The following TTLL5 variants were observed in gnomAD, a reference collection of about 807,000 sequenced individuals.
The protein encoded by TTLL5 is tubulin polyglutamylase TTLL5.
TTLL5 carries 132 observed loss-of-function variants against 168.4 expected under a neutral mutation model. The ratio of observed to expected loss-of-function variants is 0.78; its 90% CI spans 0.68 to 0.91. TTLL5 has a LOEUF of 0.91. TTLL5 is among the 40% of genes least tolerant of loss of function. TTLL5 has a pLI of 0.00. For synonymous variants in TTLL5, 546 were observed against 558.6 expected (o/e 0.98, Z 0.32); for missense variants, 1,545 against 1,581.5 (o/e 0.98, Z 0.39).
intron 31 of TTLL5, among the ~76,000 whole-genome samples, chr14:75,953,151 A>C (rs1369119927): frequency 6.6e-6 from 1 of 152,230 alleles, no homozygotes; most frequent in Non-Finnish European, 1.5e-5. Flanking sequence ...AAAGATGCTC[A>C]ACCTCATTTC....
In TTLL5 at chr14:75,692,843, G is replaced by A. The variant is rs143193013; in HGVS notation, c.502+2521G>A. On this transcript the variant is annotated intron_variant, in intron 6 of 31. Transcript: ENST00000298832. ...ACATTTTGGACAGGGTATGGATTTG[G>A]ATGTCGATGGGGCATCCAGGTAGTG... 7.3e-4 allele frequency among the ~76,000 whole-genome samples: 111 copies of A among 152,270 alleles called. 1 individual carries two copies. In the East Asian group the frequency reaches 0.014, roughly 20 times the overall value.
intron 15 of TTLL5, among the ~76,000 whole-genome samples, chr14:75,740,815 A>G (rs1362195245): frequency 6.6e-6 from 1 of 152,220 alleles, no homozygotes; most frequent in Non-Finnish European, 1.5e-5. Flanking sequence ...TGTATCACAT[A>G]TAAATTGAGC....
chr14:75,774,721 C>T (rs1891614886), intron 21 of TTLL5, among the ~76,000 whole-genome samples: 1 of 151,878 alleles, frequency 6.6e-6, no homozygotes, highest in South Asian at 2.1e-4. Flanking sequence ...TGGAATCTTG[C>T]TTTGTCGCCT....
rs376141983 is a variant in TTLL5 at position 75,820,099 on chromosome 14, G to A, written c.3264G>A (p.Pro1088=). Reference sequence around the variant, plus strand: ...GACCCATCATCAGTCCTAGTGGCCCGACATGGTCTACACAGTCAGACCCCC... The same window carrying A: ...GACCCATCATCAGTCCTAGTGGCCCAACATGGTCTACACAGTCAGACCCCC... The part of the protein sequence containing the change: ...TLRPIISPSG[P]TWSTQSDPQA... Residue 1088 remains proline, a synonymous_variant, in exon 28 of 32, where the codon CCG becomes CCA. Transcript: ENST00000298832. The A allele has an allele frequency of 5.1e-5, 82 of 1,608,526 alleles. 1 individual carries two copies. Among genetic ancestry groups the A allele is most frequent in the East Asian group, 3.2e-4 (14 of 44,160 alleles).
At position 75,760,723 on chromosome 14, in the gene TTLL5, A is replaced by G. The variant is rs549076509; in HGVS notation, c.1551-3892A>G. On this transcript the variant is annotated intron_variant, in intron 18 of 31. Transcript: ENST00000298832. The stretch of plus-strand genomic sequence containing the variant: ...TGAGGATGGAACAACTGAATATCGT[A>G]TTTTTAAAAATGAACCCCAACCGCT... Among the ~76,000 whole-genome samples, 9 of 152,174 alleles carry G rather than the reference A, an allele frequency of 5.9e-5. No individual in the cohort carries two copies. The East Asian group carries it at 1.7e-3, about 29-fold the overall frequency.
At chr14:75,690,351 C>G (rs767812123) in intron 6 of TTLL5, 29 bp downstream of exon 6, 32 of 1,568,148 alleles carry the variant, frequency 2.0e-5, no homozygotes, top group Non-Finnish European at 2.7e-5. Context: ...ATGCCCCAGT[C>G]CCCAGCAACT....
chr14:75,678,116 GT>G (rs1369390153), intron 3 of TTLL5, among the ~76,000 whole-genome samples: 6 of 152,122 alleles, frequency 3.9e-5, no homozygotes, highest in Admixed American at 3.3e-4. Context: ...GACTTTTCAT[GT>G]GCAAAAATGT....
chr14:75,923,621 T>C (rs2033903881), intron 31 of TTLL5, among the ~76,000 whole-genome samples: 1 of 152,238 alleles, frequency 6.6e-6, no homozygotes, highest in Non-Finnish European at 1.5e-5. Flanking sequence ...AGGAGTGCTT[T>C]ACTTCCAATT....
At chr14:75,860,919 G>C (rs978977723) in intron 28 of TTLL5, among the ~76,000 whole-genome samples, 3 of 152,106 alleles carry the variant, frequency 2.0e-5, no homozygotes, top group Non-Finnish European at 2.9e-5. Flanking sequence ...TCAGCACCCT[G>C]CTTTGTGAAT....
chr14:75,891,743 G>A (rs997004918), intron 30 of TTLL5, among the ~76,000 whole-genome samples: 6 of 152,182 alleles, frequency 3.9e-5, no homozygotes, highest in African/African-American at 9.7e-5. Context: ...GTAGAGTAGC[G>A]TATGGGAGAC....
At chr14:75,923,741 C>T (rs901845830) in intron 31 of TTLL5, among the ~76,000 whole-genome samples, 1 of 152,154 alleles carries the variant, frequency 6.6e-6, no homozygotes, top group Admixed American at 6.5e-5. Context: ...TGGTGCAGAG[C>T]TGAGTTCAAG....
intron 28 of TTLL5, among the ~76,000 whole-genome samples, chr14:75,861,702 A>G (rs185988573): frequency 7.0e-4 from 106 of 152,204 alleles, no homozygotes; most frequent in Admixed American, 2.9e-3. Context: ...TCTATGTACA[A>G]TTTTCCTGTC....
chr14:75,950,728 G>A (rs962719689), intron 31 of TTLL5, among the ~76,000 whole-genome samples: 1 of 151,826 alleles, frequency 6.6e-6, no homozygotes, highest in South Asian at 2.1e-4. Flanking sequence ...AGCACTTTGG[G>A]TGGCCAAGGA....
intron 31 of TTLL5, among the ~76,000 whole-genome samples, chr14:75,932,423 C>T (rs1281557390): frequency 6.6e-6 from 1 of 152,142 alleles, no homozygotes; most frequent in Non-Finnish European, 1.5e-5. Flanking sequence ...GTGTATATGT[C>T]CATACTTATG....
At chr14:75,881,621 C>G (rs994882806) in intron 29 of TTLL5, among the ~76,000 whole-genome samples, 3 of 152,188 alleles carry the variant, frequency 2.0e-5, no homozygotes, top group African/African-American at 7.2e-5. Context: ...AAGAGCATCT[C>G]ATATTATTTC....
At chr14:75,739,532 C>G (rs573019879) in intron 15 of TTLL5, among the ~76,000 whole-genome samples, 3 of 152,264 alleles carry the variant, frequency 2.0e-5, no homozygotes, top group Admixed American at 1.3e-4. Flanking sequence ...ACCATTATCT[C>G]TATATTTCTC....
At chr14:75,749,426 A>G (rs2140268339) in intron 17 of TTLL5, among the ~76,000 whole-genome samples, 1 of 152,308 alleles carries the variant, frequency 6.6e-6, no homozygotes, top group East Asian at 1.9e-4. Flanking sequence ...TTTTACTGAT[A>G]AAGTCTAGGT....
At position 75,719,682 on chromosome 14, in the gene TTLL5, A is replaced by G. The variant is rs375212610; in HGVS notation, c.843-53A>G. 19 of 1,466,576 alleles carry G rather than the reference A, an allele frequency of 1.3e-5. No homozygotes were observed. In the African/African-American group the frequency reaches 1.6e-4, roughly 12 times the overall value. 90.8% of individuals were successfully genotyped at this position (1,466,576 alleles called of 1,614,324 possible). A position where few individuals can be genotyped will look rare whatever the true frequency, so the allele number is the denominator to read the frequency against. ...AAGGCTATTTGCAAAGAGTCTTGTT[A>G]TTATAGCCAAGCCTAGTTACATATG... On this transcript the variant is annotated intron_variant, in intron 10 of 31. Coordinates refer to ENST00000298832, the MANE Select transcript of TTLL5 (RefSeq NM_015072.5).
intron 17 of TTLL5, among the ~76,000 whole-genome samples, chr14:75,745,919 C>A (rs1363724067): frequency 1.3e-5 from 2 of 151,976 alleles, no homozygotes; most frequent in Admixed American, 1.3e-4. Flanking sequence ...TTATTGAGAT[C>A]TAGTTTATAT....
Sources: allele counts gnomAD v4.1 joint callset (sites outside exome capture counted in the v4.1 genomes callset), GRCh38; gene constraint gnomAD v4.1.1; transcripts MANE v1.5; gene names NCBI Gene and HGNC (gene_info 2026-07-23, HGNC 2026-07-21).